Variants in HHIP observed in about 807,000 individuals in gnomAD.
The protein encoded by HHIP is hedgehog interacting protein.
A neutral mutation model predicts 74.0 loss-of-function variants in HHIP; 12 were observed. The ratio of observed to expected loss-of-function variants is 0.16; its 90% CI spans 0.10 to 0.26. The LOEUF is 0.26. HHIP is among the 10% of genes least tolerant of loss of function. The pLI is 1.00. For synonymous variants in HHIP, 309 were observed against 311.6 expected (o/e 0.99, Z 0.09); for missense variants, 788 against 845.0 (o/e 0.93, Z 0.84).
intron 4 of HHIP, among the ~76,000 whole-genome samples, chr4:144,682,713 G>A (rs895483330): frequency 6.6e-6 from 1 of 152,206 alleles, no homozygotes; most frequent in South Asian, 2.1e-4. Context: ...ATACAGATGA[G>A]ACCATTTTTT....
chr4:144,718,136 A>G (rs1286985677), intron 10 of HHIP, among the ~76,000 whole-genome samples: 2 of 152,242 alleles, frequency 1.3e-5, no homozygotes, highest in Non-Finnish European at 2.9e-5. Flanking sequence ...ATAAATTGGT[A>G]ATAAATGCTT....
At chr4:144,681,780 C>G (rs1729352654) in intron 4 of HHIP, among the ~76,000 whole-genome samples, 1 of 152,178 alleles carries the variant, frequency 6.6e-6, no homozygotes. Flanking sequence ...ATTTATCTGG[C>G]AATCAGATTT....
chr4:144,688,801 T>A (rs1729554053), intron 4 of HHIP, among the ~76,000 whole-genome samples: 1 of 143,504 alleles, frequency 7.0e-6, no homozygotes, highest in Non-Finnish European at 1.5e-5. Flanking sequence ...GAAGTCATTC[T>A]CATACACAAA....
intron 4 of HHIP, among the ~76,000 whole-genome samples, chr4:144,667,610 G>A (rs1728912431): frequency 6.6e-6 from 1 of 152,150 alleles, no homozygotes; most frequent in Non-Finnish European, 1.5e-5. Context: ...CCACCTCACT[G>A]CAAAGTCCCC....
intron 11 of HHIP, among the ~76,000 whole-genome samples, chr4:144,729,234 A>G (rs1375420651): frequency 6.6e-6 from 1 of 152,158 alleles, no homozygotes; most frequent in Non-Finnish European, 1.5e-5. Flanking sequence ...GGTAAAAGTG[A>G]TGAGTATTGG....
intron 2 of HHIP, among the ~76,000 whole-genome samples, chr4:144,656,989 T>C (rs1728576199): frequency 6.6e-6 from 1 of 152,044 alleles, no homozygotes; most frequent in African/African-American, 2.4e-5. Flanking sequence ...TCTTTTTCTC[T>C]GTGCCCCCCA....
chr4:144,719,211 C>T, intron 11 of HHIP, among the ~76,000 whole-genome samples: 1 of 152,162 alleles, frequency 6.6e-6, no homozygotes, highest in East Asian at 1.9e-4. Context: ...TTCATGGAAT[C>T]AGAGTCCTCA....
intron 1 of HHIP, among the ~76,000 whole-genome samples, chr4:144,651,189 T>C (rs1385611937): frequency 6.6e-6 from 1 of 152,142 alleles, no homozygotes; most frequent in Non-Finnish European, 1.5e-5. Flanking sequence ...GTGTAGTGTA[T>C]GTTTCCTTTT....
intron 4 of HHIP, among the ~76,000 whole-genome samples, chr4:144,680,083 C>A (rs1481496496): frequency 2.0e-5 from 3 of 152,064 alleles, no homozygotes; most frequent in Non-Finnish European, 4.4e-5. Context: ...ATACAATAAG[C>A]ATTCAAAAAT....
rs1287046755 is a variant in HHIP at position 144,742,887 on chromosome 4, TTA to T, written c.*4940_*4941del. The T allele has an allele frequency of 1.3e-3, 10 of 7,458 alleles. No individual in the cohort carries two copies. Among genetic ancestry groups the T allele is most frequent in the African/African-American group, 1.7e-3 (10 of 5,988 alleles). 0.5% of individuals were successfully genotyped at this position (7,458 alleles called of 1,614,324 possible). A position where few individuals can be genotyped will look rare whatever the true frequency, so the allele number is the denominator to read the frequency against. On this transcript the variant is annotated 3_prime_UTR_variant, in exon 13 of 13. Transcript: ENST00000296575. ...ATATATATATCTTTTTATATATATC[TTA>T]TATATATATCTTTTTATATATATCT...
intron 2 of HHIP, among the ~76,000 whole-genome samples, chr4:144,658,531 G>A (rs1439985763): frequency 1.3e-5 from 2 of 151,776 alleles, no homozygotes; most frequent in East Asian, 1.9e-4. Context: ...ACCATGCCCT[G>A]CTAATTTTTA....
chr4:144,738,064 C>A lies in HHIP; in HGVS notation c.*107C>A. 1 of 1,382,336 alleles carries A rather than the reference C, an allele frequency of 7.2e-7. No homozygotes were observed. The highest frequency in any genetic ancestry group is 9.4e-7 in the Non-Finnish European group (1 of 1,069,258). 85.6% of individuals were successfully genotyped at this position (1,382,336 alleles called of 1,614,324 possible). On this transcript the variant is annotated 3_prime_UTR_variant, in exon 13 of 13. Transcript: ENST00000296575. ...CTACACACTCCTGTGATTTCATTCT[C>A]TTTTATTAATTTAAAAATAATTTCC... is the stretch of plus-strand genomic sequence containing the variant.
chr4:144,657,319 C>G (rs1206434436), intron 2 of HHIP, among the ~76,000 whole-genome samples: 2 of 152,120 alleles, frequency 1.3e-5, no homozygotes, highest in Non-Finnish European at 2.9e-5. Flanking sequence ...AATTCTTGTT[C>G]TTAGAAATCC....
chr4:144,671,975 C>T (rs945738434), intron 4 of HHIP, among the ~76,000 whole-genome samples: 2 of 152,124 alleles, frequency 1.3e-5, no homozygotes, highest in South Asian at 2.1e-4. Flanking sequence ...CACTTCAAGA[C>T]TCCATCACAA....
In HHIP at chr4:144,646,536, T is replaced by G. The variant is rs184654949; in HGVS notation, c.-140T>G. ...AAAGTTGCATCGCTGTACATATTTTTGTCCCCGCCACCTCCCTCTGTCTCT... is the reference window on the plus strand; with the variant it reads ...AAAGTTGCATCGCTGTACATATTTTGGTCCCCGCCACCTCCCTCTGTCTCT... On this transcript the variant is annotated 5_prime_UTR_variant, in exon 1 of 13. Transcript: ENST00000296575. 1.9e-5 allele frequency: 15 copies of G among 777,244 alleles called. No individual in the cohort carries two copies. In the East Asian group the frequency reaches 3.5e-4, roughly 18 times the overall value. The allele number at this position is 777,244 out of a possible 1,614,324, so 48.1% of individuals were successfully genotyped here. A position where few individuals can be genotyped will look rare whatever the true frequency, so the allele number is the denominator to read the frequency against.
intron 11 of HHIP, among the ~76,000 whole-genome samples, chr4:144,722,821 A>G (rs1329302100): frequency 6.6e-6 from 1 of 152,082 alleles, no homozygotes; most frequent in East Asian, 1.9e-4. Flanking sequence ...ACCACTGCAC[A>G]CTGCAGCCTG....
At chr4:144,715,676 G>C in intron 10 of HHIP, 1 of 270,214 alleles carries the variant, frequency 3.7e-6, no homozygotes. Context: ...CAGAAAAATG[G>C]GAGGCAGGAA....
intron 4 of HHIP, among the ~76,000 whole-genome samples, chr4:144,692,121 A>C (rs1045523138): frequency 1.3e-5 from 2 of 152,124 alleles, no homozygotes; most frequent in Non-Finnish European, 2.9e-5. Flanking sequence ...AGTAACTTTA[A>C]ATTTTTATTT....
rs78378498 is a variant in HHIP at position 144,709,243 on chromosome 4, T to A, written c.1301+932T>A. Among the ~76,000 whole-genome samples, 1,436 of 152,334 alleles carry A rather than the reference T, an allele frequency of 9.4e-3. 19 individuals carry two copies. Among genetic ancestry groups the A allele is most frequent in the African/African-American group, 0.033 (1,384 of 41,566 alleles). On this transcript the variant is annotated intron_variant, in intron 7 of 12. Transcript: ENST00000296575. ...ATCAAACCCAAGTCTACAGTTCATT[T>A]CCTTTTTGGCATCTCAGCAGATCTT...
Sources: allele counts gnomAD v4.1 joint callset (sites outside exome capture counted in the v4.1 genomes callset), GRCh38; gene constraint gnomAD v4.1.1; transcripts MANE v1.5; gene names NCBI Gene and HGNC (gene_info 2026-07-23, HGNC 2026-07-21).